GALNT10: variants seen among roughly 807,000 people sequenced by gnomAD.
GALNT10 encodes GalNAc transferase 10.
GALNT10 carries 41 observed loss-of-function variants against 75.0 expected under a neutral mutation model. That is an observed-to-expected ratio of 0.55 (90% confidence interval 0.43 to 0.71). The LOEUF (loss-of-function observed/expected upper bound fraction) is 0.71, where lower values mean the gene tolerates loss of function less well. GALNT10 is among the 30% of genes least tolerant of loss of function. The pLI, the probability that GALNT10 is intolerant of heterozygous loss-of-function variation, is 0.00. For synonymous variants in GALNT10, 302 were observed against 313.0 expected (o/e 0.96, Z 0.37); for missense variants, 727 against 818.5 (o/e 0.89, Z 1.36).
chr5:154,363,706 G>A (rs981655482), intron 4 of GALNT10, among the ~76,000 whole-genome samples: 6 of 152,072 alleles, frequency 3.9e-5, no homozygotes, highest in Non-Finnish European at 8.8e-5. Context: ...AGAGGTTTGA[G>A]TGGGAACTTC....
intron 8 of GALNT10, chr5:154,406,318 CTG>C (rs1451164161): frequency 6.6e-6 from 1 of 152,218 alleles, no homozygotes; most frequent in Non-Finnish European, 1.5e-5. Context: ...AAGCATCGTC[CTG>C]TGTTTGGCTT....
chr5:154,215,843 T>G (rs1475074771), intron 1 of GALNT10, among the ~76,000 whole-genome samples: 5 of 152,196 alleles, frequency 3.3e-5, no homozygotes, highest in Non-Finnish European at 7.3e-5. Context: ...GGGGTAAGGC[T>G]TCAGCCCTGG....
intron 1 of GALNT10, among the ~76,000 whole-genome samples, chr5:154,292,119 G>A (rs1754202800): frequency 6.6e-6 from 1 of 152,234 alleles, no homozygotes; most frequent in African/African-American, 2.4e-5. Context: ...GGGCCTCAGG[G>A]TTTTGCAGCC....
At chr5:154,324,786 A>C (rs1754731837) in intron 3 of GALNT10, among the ~76,000 whole-genome samples, 1 of 152,242 alleles carries the variant, frequency 6.6e-6, no homozygotes, top group Admixed American at 6.5e-5. Flanking sequence ...TCACTGTTTT[A>C]GAACTCAGTA....
At chr5:154,347,260 G>T (rs780733358) in intron 4 of GALNT10, 1 of 466,446 alleles carries the variant, frequency 2.1e-6, no homozygotes, top group South Asian at 1.7e-5. Flanking sequence ...CTGGACAAGC[G>T]CATGGCAGAG....
intron 4 of GALNT10, among the ~76,000 whole-genome samples, chr5:154,341,598 A>G (rs976184171): frequency 1.3e-5 from 2 of 152,138 alleles, no homozygotes; most frequent in African/African-American, 4.8e-5. Context: ...AGAAAACTCA[A>G]ACTAACAATT....
At chr5:154,287,896 G>GTGTA (rs1754135231) in intron 1 of GALNT10, among the ~76,000 whole-genome samples, 1 of 139,662 alleles carries the variant, frequency 7.2e-6, no homozygotes, top group Admixed American at 7.3e-5. Context: ...TTTGCTGTGT[G>GTGTA]TGTGTGTGTG....
At chr5:154,360,770 ATATGTT>A (rs1233642995) in intron 4 of GALNT10, among the ~76,000 whole-genome samples, 16 of 152,332 alleles carry the variant, frequency 1.1e-4, no homozygotes, top group Middle Eastern at 3.4e-3. Context: ...CACAAGGAGA[ATATGTT>A]TATGTATTTC....
chr5:154,309,429 G>C (rs1581966931), intron 3 of GALNT10, among the ~76,000 whole-genome samples: 2 of 152,150 alleles, frequency 1.3e-5, no homozygotes, highest in South Asian at 4.2e-4. Context: ...CATGTTAAAA[G>C]GATCACTTTG....
chr5:154,197,635 G>T lies in GALNT10; in HGVS notation c.159+6610G>T, dbSNP rs550224779. ...AGCTTCAGATGTTAAATTGTCTTCA[G>T]TTTTCTCAGGTGATGAAAGCCACAG... On this transcript the variant is annotated intron_variant, in intron 1 of 11. Coordinates refer to ENST00000297107, the MANE Select transcript of GALNT10 (RefSeq NM_198321.4). 2.0e-5 allele frequency among the ~76,000 whole-genome samples: 3 copies of T among 152,302 alleles called. No homozygotes were observed. The South Asian group carries it at 6.2e-4, about 32-fold the overall frequency.
chr5:154,238,145 G>A (rs1217774791), intron 1 of GALNT10, among the ~76,000 whole-genome samples: 1 of 152,208 alleles, frequency 6.6e-6, no homozygotes, highest in Non-Finnish European at 1.5e-5. Context: ...TGTAGCAACA[G>A]TTACAACAAC....
At chr5:154,310,449 T>TTTG (rs1754498655) in intron 3 of GALNT10, among the ~76,000 whole-genome samples, 7 of 125,164 alleles carry the variant, frequency 5.6e-5, no homozygotes, top group Admixed American at 2.2e-4. Flanking sequence ...TTGTTTTTTT[T>TTTG]TTTGTTTGTT....
chr5:154,353,888 C>T (rs1343879328), intron 4 of GALNT10, among the ~76,000 whole-genome samples: 2 of 152,216 alleles, frequency 1.3e-5, no homozygotes, highest in African/African-American at 4.8e-5. Flanking sequence ...TTATGTGGCA[C>T]CTGCCCTTGT....
rs145748667 is a variant in GALNT10 at position 154,370,093 on chromosome 5, A to G, written c.569-6184A>G. 4.9e-3 allele frequency among the ~76,000 whole-genome samples: 741 copies of G among 152,368 alleles called. 3 individuals are homozygous for G. The highest frequency in any genetic ancestry group is 0.017 in the African/African-American group (691 of 41,592). On this transcript the variant is annotated intron_variant, in intron 4 of 11. Transcript: ENST00000297107. ...ACGAAGCAAACTATATCTGAGTCCTATCTTCAGCACATAACTTGTTAGCTG... is the reference window on the plus strand; with the variant it reads ...ACGAAGCAAACTATATCTGAGTCCTGTCTTCAGCACATAACTTGTTAGCTG...
chr5:154,322,256 C>T (rs1561660620), intron 3 of GALNT10, among the ~76,000 whole-genome samples: 4 of 152,120 alleles, frequency 2.6e-5, no homozygotes, highest in Non-Finnish European at 5.9e-5. Context: ...CCCTGGCTGT[C>T]TATCAGCTGC....
chr5:154,295,858 A>G lies in GALNT10; in HGVS notation c.262+940A>G, dbSNP rs148884202. Among the ~76,000 whole-genome samples the G allele has an allele frequency of 8.6e-4, 131 of 152,342 alleles. 3 individuals are homozygous for G. Among genetic ancestry groups the G allele is most frequent in the Middle Eastern group, 3.4e-3 (1 of 294 alleles). ...GAGTATGTAGTAGCTTTGCAATACTAGAAAGCACTGTAGAAATCTAAGGGA... is the reference window on the plus strand; with the variant it reads ...GAGTATGTAGTAGCTTTGCAATACTGGAAAGCACTGTAGAAATCTAAGGGA... On this transcript the variant is annotated intron_variant, in intron 2 of 11. Transcript: ENST00000297107.
At chr5:154,307,212 T>C (rs918040983) in intron 3 of GALNT10, among the ~76,000 whole-genome samples, 1 of 152,270 alleles carries the variant, frequency 6.6e-6, no homozygotes, top group African/African-American at 2.4e-5. Context: ...TCAACCTGAA[T>C]AGTCCTATAT....
chr5:154,303,481 G>C (rs1754388719), intron 3 of GALNT10, among the ~76,000 whole-genome samples: 1 of 152,202 alleles, frequency 6.6e-6, no homozygotes, highest in Admixed American at 6.5e-5. Flanking sequence ...AGCTATCTGA[G>C]GCTGGGAAAG....
In GALNT10 at chr5:154,190,982, C is replaced by A; in HGVS notation, c.116C>A (p.Thr39Asn). 2 of 1,502,480 alleles carry A rather than the reference C, an allele frequency of 1.3e-6. No homozygotes were observed. The highest frequency in any genetic ancestry group is 2.6e-5 in the East Asian group (1 of 38,396). The allele number at this position is 1,502,480 out of a possible 1,614,324, so 93.1% of individuals were successfully genotyped here. ...TACCGCGAGCGGCAGCCCGACGGCA[C>A]CCCTGGGGGATCGGGGGCGGCGGTG... ...ALYRERQPDGTPGGSGAAVAP... is the reference protein window; with the variant it reads ...ALYRERQPDGNPGGSGAAVAP... Residue 39 changes from threonine to asparagine, a missense_variant, in exon 1 of 12, where the codon ACC becomes AAC. Physicochemically the swap from Thr to Asn is moderately conservative, Grantham distance 65 (BLOSUM62 0). Coordinates refer to ENST00000297107, the MANE Select transcript of GALNT10 (RefSeq NM_198321.4).
Sources: gnomAD v4.1 joint callset for allele counts (sites outside exome capture counted in the v4.1 genomes callset) on GRCh38, gnomAD v4.1.1 for gene constraint, MANE v1.5 for transcripts, NCBI Gene and HGNC (gene_info 2026-07-23, HGNC 2026-07-21) for gene names.